Variants in PTPRD observed in about 807,000 individuals in gnomAD.
The protein encoded by PTPRD is receptor-type tyrosine-protein phosphatase delta.
A neutral mutation model predicts 214.5 loss-of-function variants in PTPRD; 34 were observed. The ratio of observed to expected loss-of-function variants is 0.16; its 90% CI spans 0.12 to 0.21. PTPRD has a LOEUF of 0.21. Among genes scored for constraint, PTPRD ranks in the 10% least tolerant of loss-of-function variants. The pLI is 1.00. For missense variants in PTPRD, 2,545 were observed against 2,398.7 expected, an observed-to-expected ratio of 1.06 and a Z score of -1.27; for synonymous variants, 1,128 against 845.7, an observed-to-expected ratio of 1.33 and a Z score of -5.79.
At chr9:9,531,723 A>G (rs1036347199) in intron 8 of PTPRD, among the ~76,000 whole-genome samples, 3 of 152,090 alleles carry the variant, frequency 2.0e-5, no homozygotes, top group Non-Finnish European at 2.9e-5. Context: ...GCTGCAATGA[A>G]TATTTGTGCT....
chr9:9,846,979 T>A (rs1016808472), intron 5 of PTPRD, among the ~76,000 whole-genome samples: 5 of 152,114 alleles, frequency 3.3e-5, no homozygotes, highest in African/African-American at 9.7e-5. Flanking sequence ...TGCCATAAAA[T>A]ATATATTTTT....
chr9:9,138,643 A>G (rs1013195762), intron 10 of PTPRD, among the ~76,000 whole-genome samples: 18 of 152,170 alleles, frequency 1.2e-4, no homozygotes, highest in Non-Finnish European at 8.8e-5. Context: ...GAATAACCAC[A>G]GTTTTAAGGT....
chr9:10,051,308 T>G (rs564528086), intron 3 of PTPRD, among the ~76,000 whole-genome samples: 1 of 152,120 alleles, frequency 6.6e-6, no homozygotes, highest in Admixed American at 6.6e-5. Flanking sequence ...GTATTAGAAA[T>G]AGTAACCAGT....
intron 12 of PTPRD, among the ~76,000 whole-genome samples, chr9:8,698,872 C>A (rs1388206616): frequency 6.6e-6 from 1 of 152,142 alleles, no homozygotes; most frequent in Admixed American, 6.6e-5. Context: ...TACCTTCTCA[C>A]TGTTCAAGAA....
At chr9:8,380,959 A>G (rs2084881610) in intron 37 of PTPRD, among the ~76,000 whole-genome samples, 1 of 152,196 alleles carries the variant, frequency 6.6e-6, no homozygotes, top group Non-Finnish European at 1.5e-5. Context: ...GCAACATGGC[A>G]AGGCATCAGA....
chr9:9,846,412 C>T (rs1020701256), intron 5 of PTPRD, among the ~76,000 whole-genome samples: 6 of 152,126 alleles, frequency 3.9e-5, no homozygotes, highest in Non-Finnish European at 8.8e-5. Flanking sequence ...TAGCTACACT[C>T]TCGAGACTTT....
chr9:9,713,347 G>A (rs1402363644), intron 7 of PTPRD, among the ~76,000 whole-genome samples: 2 of 152,142 alleles, frequency 1.3e-5, no homozygotes, highest in Middle Eastern at 3.2e-3. Flanking sequence ...GAATGATTAA[G>A]TAAGATGCAT....
rs147233744 is a variant in PTPRD at position 9,606,564 on chromosome 9, A to G, written c.-286-31783T>C. On this transcript the variant is annotated intron_variant, in intron 7 of 45. Coordinates refer to ENST00000381196, the MANE Select transcript of PTPRD (RefSeq NM_002839.4). ...ACAATATCTGGCAATCTTGGCAGAA[A>G]GCTGTGCTCTATATGTTAAATTAAG... Among the ~76,000 whole-genome samples the G allele has an allele frequency of 1.3e-4, 20 of 152,222 alleles. 1 individual carries two copies. Among genetic ancestry groups the G allele is most frequent in the Non-Finnish European group, 1.9e-4 (13 of 67,992 alleles).
rs149635310 is a variant in PTPRD, at chr9:9,452,812, C to A, written c.-236-55330G>T. On this transcript the variant is annotated intron_variant, in intron 8 of 45. Transcript: ENST00000381196. The stretch of plus-strand genomic sequence containing the variant: ...TGCTTAATATTTACAATGGGAAATG[C>A]AATTTATTAAAGAACACTAAGCTAT... Among the ~76,000 whole-genome samples, 149 of 151,400 alleles carry A rather than the reference C, an allele frequency of 9.8e-4. No individual in the cohort carries two copies. The South Asian group carries it at 0.012, about 12-fold the overall frequency.
At chr9:8,453,461 G>A (rs2096051571) in intron 33 of PTPRD, among the ~76,000 whole-genome samples, 1 of 152,220 alleles carries the variant, frequency 6.6e-6, no homozygotes, top group Admixed American at 6.5e-5. Context: ...ACCATGCCTG[G>A]CCGATGAAAG....
intron 4 of PTPRD, among the ~76,000 whole-genome samples, chr9:9,980,275 T>G (rs1267782188): frequency 1.3e-5 from 2 of 151,980 alleles, no homozygotes; most frequent in African/African-American, 4.8e-5. Context: ...TATATATACT[T>G]GTAATATATA....
At chr9:9,474,682 G>GT (rs57567942) in intron 8 of PTPRD, among the ~76,000 whole-genome samples, 88,415 of 151,174 alleles carry the variant, frequency 0.58, 26,322 homozygotes, top group East Asian at 0.69. Context: ...TATTCCTAGG[G>GT]TTTTTTTTGT....
At chr9:9,829,439 C>T (rs907305616) in intron 5 of PTPRD, among the ~76,000 whole-genome samples, 9 of 151,812 alleles carry the variant, frequency 5.9e-5, no homozygotes, top group African/African-American at 1.9e-4. Context: ...TCATTTTGTT[C>T]TGATTTTAAT....
intron 8 of PTPRD, among the ~76,000 whole-genome samples, chr9:9,420,036 A>G (rs530268857): frequency 1.6e-4 from 25 of 151,732 alleles, no homozygotes; most frequent in Non-Finnish European, 2.5e-4. Flanking sequence ...AAAAATATAT[A>G]TATTTTTAAA....
intron 9 of PTPRD, among the ~76,000 whole-genome samples, chr9:9,338,477 AT>A (rs1428709750): frequency 1.3e-5 from 2 of 152,184 alleles, no homozygotes; most frequent in African/African-American, 4.8e-5. Context: ...GTTAAAAAAC[AT>A]TTTAATTTTT....
intron 2 of PTPRD, among the ~76,000 whole-genome samples, chr9:10,506,449 T>G (rs2045995789): frequency 6.6e-6 from 1 of 152,148 alleles, no homozygotes; most frequent in Non-Finnish European, 1.5e-5. Context: ...CTAATTTATG[T>G]ACATTTTAAA....
intron 10 of PTPRD, among the ~76,000 whole-genome samples, chr9:9,088,503 C>A (rs1405376316): frequency 7.0e-6 from 1 of 142,750 alleles, no homozygotes; most frequent in South Asian, 2.3e-4. Flanking sequence ...TTGTTTGAAC[C>A]CAGGAGGTCG....
intron 9 of PTPRD, among the ~76,000 whole-genome samples, chr9:9,385,598 G>C (rs1340975204): frequency 6.6e-6 from 1 of 152,164 alleles, no homozygotes; most frequent in African/African-American, 2.4e-5. Flanking sequence ...TCTGTGGCAT[G>C]GCTATGTGCA....
chr9:9,142,254 T>C (rs1322048080), intron 10 of PTPRD, among the ~76,000 whole-genome samples: 4 of 152,206 alleles, frequency 2.6e-5, no homozygotes, highest in African/African-American at 4.8e-5. Context: ...CAGAGAACTC[T>C]GATGCCTCCC....
Sources: gnomAD v4.1 joint callset for allele counts (sites outside exome capture counted in the v4.1 genomes callset) on GRCh38, gnomAD v4.1.1 for gene constraint, MANE v1.5 for transcripts, NCBI Gene and HGNC (gene_info 2026-07-23, HGNC 2026-07-21) for gene names.